PGS1: variants seen among roughly 807,000 people sequenced by gnomAD.
PGS1 encodes the protein phosphatidylglycerophosphate synthase 1, also known as CDP-diacylglycerol--glycerol-3-phosphate 3-phosphatidyltransferase, mitochondrial.
PGS1 carries 44 observed loss-of-function variants against 58.3 expected under a neutral mutation model. The observed-to-expected ratio is 0.75, with a 90% CI of 0.59 to 0.97. PGS1 has a LOEUF of 0.97. Among genes scored for constraint, PGS1 ranks in the 50% least tolerant of loss-of-function variants. The pLI, the probability that PGS1 is intolerant of heterozygous loss-of-function variation, is 0.00. For synonymous variants in PGS1, 330 were observed against 311.0 expected (o/e 1.06, Z -0.64); for missense variants, 684 against 731.1 (o/e 0.94, Z 0.74).
At chr17:78,407,187 G>A (rs2084227830) in intron 7 of PGS1, among the ~76,000 whole-genome samples, 1 of 152,118 alleles carries the variant, frequency 6.6e-6, no homozygotes, top group Admixed American at 6.5e-5. Flanking sequence ...GATTGGGGGA[G>A]AGTTGGCAGA....
chr17:78,384,856 C>T (rs775110257), intron 1 of PGS1, among the ~76,000 whole-genome samples: 8 of 152,222 alleles, frequency 5.3e-5, no homozygotes, highest in Non-Finnish European at 8.8e-5. Context: ...TCTCTGACAC[C>T]GGGAGAAGAT....
chr17:78,413,920 C>T (rs2084946681), intron 7 of PGS1, among the ~76,000 whole-genome samples: 1 of 152,236 alleles, frequency 6.6e-6, no homozygotes, highest in Non-Finnish European at 1.5e-5. Context: ...GCCCCCCCTG[C>T]CACACAGTGG....
rs190314625 is a variant in PGS1 at position 78,399,618 on chromosome 17, C to A, written c.701+81C>A. ...AGTGGAATAGGAACAGTGGGAAACC[C>A]GTTCCCCTCAGTCTTGGAGAACCTG... On this transcript the variant is annotated intron_variant, in intron 5 of 9. Coordinates refer to ENST00000262764, the MANE Select transcript of PGS1 (RefSeq NM_024419.5). 4.6e-5 allele frequency: 65 copies of A among 1,408,508 alleles called. No homozygotes were observed. The Admixed American group carries it at 1.1e-3, about 23-fold the overall frequency. 87.3% of individuals were successfully genotyped at this position (1,408,508 alleles called of 1,614,324 possible). A position where few individuals can be genotyped will look rare whatever the true frequency, so the allele number is the denominator to read the frequency against.
chr17:78,405,572 T>C (rs929751622), intron 7 of PGS1, among the ~76,000 whole-genome samples: 1 of 152,188 alleles, frequency 6.6e-6, no homozygotes, highest in African/African-American at 2.4e-5. Flanking sequence ...GGGGCAGCTC[T>C]CTAAGACATG....
intron 3 of PGS1, chr17:78,398,001 A>G (rs983456652): frequency 3.4e-6 from 2 of 581,454 alleles, no homozygotes; most frequent in Non-Finnish European, 6.5e-6. Context: ...GTCAGGCAGC[A>G]CGCCTCTGCC....
intron 9 of PGS1, among the ~76,000 whole-genome samples, chr17:78,422,951 C>T (rs1218021573): frequency 2.0e-5 from 3 of 152,014 alleles, no homozygotes; most frequent in African/African-American, 7.2e-5. Context: ...AAAAAATTAG[C>T]TGCGTGTGGT....
chr17:78,381,278 G>T (rs151002216), intron 1 of PGS1, among the ~76,000 whole-genome samples: 34 of 152,286 alleles, frequency 2.2e-4, no homozygotes, highest in African/African-American at 7.7e-4. Flanking sequence ...TAAGCTGAGA[G>T]AGATGATTGT....
At chr17:78,385,970 T>C (rs552218298) in intron 1 of PGS1, among the ~76,000 whole-genome samples, 70 of 152,282 alleles carry the variant, frequency 4.6e-4, no homozygotes, top group African/African-American at 1.5e-3. Context: ...TGGGTCTTCC[T>C]CAAGATGATG....
chr17:78,380,568 A>G (rs964084314), intron 1 of PGS1, among the ~76,000 whole-genome samples: 1 of 152,226 alleles, frequency 6.6e-6, no homozygotes, highest in African/African-American at 2.4e-5. Context: ...TCAGTGTTTA[A>G]CAAAAGACCT....
rs577630937 is a variant in PGS1 at position 78,422,726 on chromosome 17, C to CTGGGCTCAAGTAAG, written c.*11-1334_*11-1321dup. On this transcript the variant is annotated intron_variant, in intron 9 of 9. Coordinates refer to ENST00000262764, the MANE Select transcript of PGS1 (RefSeq NM_024419.5). ...CGTTGCCCAGGCTGGTCTTAAACTC[C>CTGGGCTCAAGTAAG]TGGGCTCAAGTAAGATTGCCGTCCT... is the stretch of plus-strand genomic sequence containing the variant. Among the ~76,000 whole-genome samples, 1,260 of 152,200 alleles carry CTGGGCTCAAGTAAG rather than the reference C, an allele frequency of 8.3e-3. 20 individuals carry two copies. Among genetic ancestry groups the CTGGGCTCAAGTAAG allele is most frequent in the African/African-American group, 0.029 (1,185 of 41,502 alleles).
intron 9 of PGS1, among the ~76,000 whole-genome samples, chr17:78,423,199 G>C (rs1000164166): frequency 4.0e-5 from 6 of 151,878 alleles, no homozygotes; most frequent in African/African-American, 1.4e-4. Flanking sequence ...CAGGTTGCTA[G>C]TTAATTCTCT....
intron 8 of PGS1, among the ~76,000 whole-genome samples, chr17:78,417,657 C>T (rs879402874): frequency 9.2e-5 from 14 of 152,050 alleles, no homozygotes; most frequent in Non-Finnish European, 1.9e-4. Context: ...TGGCACAGGC[C>T]ACCGCTGCTG....
At chr17:78,411,168 G>A (rs1390967138) in intron 7 of PGS1, among the ~76,000 whole-genome samples, 2 of 152,186 alleles carry the variant, frequency 1.3e-5, no homozygotes, top group Non-Finnish European at 2.9e-5. Context: ...CTGGCAGAGG[G>A]GAGAGAAATG....
At chr17:78,390,971 T>C (rs1442918932) in intron 1 of PGS1, among the ~76,000 whole-genome samples, 1 of 151,920 alleles carries the variant, frequency 6.6e-6, no homozygotes, top group Non-Finnish European at 1.5e-5. Context: ...GATGGAGTCT[T>C]GCTCTGTTGC....
intron 1 of PGS1, among the ~76,000 whole-genome samples, chr17:78,388,474 C>T (rs1423546111): frequency 1.3e-5 from 2 of 152,110 alleles, no homozygotes; most frequent in South Asian, 4.1e-4. Context: ...GCTGGGACTA[C>T]AGGCACATGC....
chr17:78,394,206 A>C (rs927907689), intron 2 of PGS1, among the ~76,000 whole-genome samples: 1 of 148,990 alleles, frequency 6.7e-6, no homozygotes, highest in African/African-American at 2.5e-5. Context: ...AAAAGAATGA[A>C]GGTCTGATGG....
chr17:78,379,192 G>T (rs892731442), intron 1 of PGS1, among the ~76,000 whole-genome samples: 7 of 152,208 alleles, frequency 4.6e-5, no homozygotes, highest in African/African-American at 1.4e-4. Flanking sequence ...TCATGGTTTC[G>T]GCCCCAGGAT....
chr17:78,414,130 C>T (rs1204271050), intron 7 of PGS1, among the ~76,000 whole-genome samples: 2 of 152,200 alleles, frequency 1.3e-5, no homozygotes, highest in African/African-American at 4.8e-5. Context: ...CCTTTGTCCT[C>T]ACAGGGTTTT....
chr17:78,420,304 G>A lies in PGS1; in HGVS notation c.*10+629G>A, dbSNP rs2085598263. 10 of 841,950 alleles carry A rather than the reference G, an allele frequency of 1.2e-5. No homozygotes were observed. In the Admixed American group the frequency reaches 1.8e-4, roughly 15 times the overall value. 52.2% of individuals were successfully genotyped at this position (841,950 alleles called of 1,614,324 possible). The stretch of plus-strand genomic sequence containing the variant: ...TGCCGCTTCACCAGAGGCACCAGTG[G>A]GGTCCCACAGTCACCTGAGGTACCC... On this transcript the variant is annotated intron_variant, in intron 9 of 9. Transcript: ENST00000262764.
Sources: allele counts gnomAD v4.1 joint callset (sites outside exome capture counted in the v4.1 genomes callset), GRCh38; gene constraint gnomAD v4.1.1; transcripts MANE v1.5; gene names NCBI Gene and HGNC (gene_info 2026-07-23, HGNC 2026-07-21).